EGLN3: variants seen among roughly 807,000 people sequenced by gnomAD.
The protein encoded by EGLN3 is prolyl hydroxylase EGLN3.
In EGLN3, 15 loss-of-function variants were observed where a neutral mutation model predicts 26.0. That is an observed-to-expected ratio of 0.58 (90% CI 0.39 to 0.89). The LOEUF is 0.89. Ranked by LOEUF, EGLN3 falls within the 40% of genes least tolerant of loss-of-function variation. The probability of loss-of-function intolerance (pLI) is 0.00; values close to 1 mark genes in which losing one functional copy is unlikely to be tolerated. For missense variants in EGLN3, 238 were observed against 311.6 expected, an observed-to-expected ratio of 0.76 and a Z score of 1.78; for synonymous variants, 147 against 127.2, an observed-to-expected ratio of 1.16 and a Z score of -1.05.
At chr14:33,932,334 T>C (rs954474322) in intron 1 of EGLN3, among the ~76,000 whole-genome samples, 11 of 152,196 alleles carry the variant, frequency 7.2e-5, no homozygotes, top group Non-Finnish European at 1.6e-4. Context: ...CAATAGCTAT[T>C]TCTGTCATTT....
At chr14:33,931,271 C>T (rs2138812900) in intron 1 of EGLN3, 56 bp from the exon 2 acceptor site, 1 of 1,611,258 alleles carries the variant, frequency 6.2e-7, no homozygotes, top group Admixed American at 1.7e-5. Context: ...CAATCTTCTC[C>T]TCCCACTGGT....
intron 1 of EGLN3, among the ~76,000 whole-genome samples, chr14:33,936,836 A>G (rs905318390): frequency 3.9e-5 from 6 of 152,196 alleles, no homozygotes; most frequent in African/African-American, 1.4e-4. Context: ...AAAAAAATCT[A>G]AAGACAAATT....
chr14:33,950,306 T>G, intron 1 of EGLN3, 90 bp downstream of exon 1: 1 of 1,260,464 alleles, frequency 7.9e-7, no homozygotes, highest in South Asian at 1.2e-5. Flanking sequence ...CAAAGTTCGC[T>G]TACGGCCCTG....
chr14:33,945,556 G>A (rs966784651), intron 1 of EGLN3, among the ~76,000 whole-genome samples: 7 of 152,232 alleles, frequency 4.6e-5, no homozygotes, highest in African/African-American at 1.7e-4. Context: ...CTTGAGCCAT[G>A]TGCATGGGAA....
chr14:33,938,454 T>C (rs2064457610), intron 1 of EGLN3, among the ~76,000 whole-genome samples: 1 of 152,182 alleles, frequency 6.6e-6, no homozygotes, highest in Admixed American at 6.5e-5. Context: ...GAGGACTGGC[T>C]CTAAGCCAGC....
Position 33,929,824 on chromosome 14 carries a change from A to C in EGLN3, c.478-612T>G, listed in dbSNP as rs6571625. Among the ~76,000 whole-genome samples the C allele has an allele frequency of 3.8e-3, 577 of 152,366 alleles. 1 individual carries two copies. Among genetic ancestry groups the C allele is most frequent in the African/African-American group, 0.013 (531 of 41,584 alleles). On this transcript the variant is annotated intron_variant, in intron 2 of 4. Transcript: ENST00000250457. ...ATTTGAGTGTTTTTGACTTAAAAAA[A>C]AATGCCCAGTGATCTCACATGGTTC... is the stretch of plus-strand genomic sequence containing the variant.
chr14:33,942,198 A>G (rs1313176809), intron 1 of EGLN3, among the ~76,000 whole-genome samples: 5 of 152,186 alleles, frequency 3.3e-5, no homozygotes, highest in Admixed American at 1.3e-4. Flanking sequence ...TTATGGTTAC[A>G]GTAAGTTACT....
chr14:33,928,927 T>C lies in EGLN3; in HGVS notation c.614+149A>G, dbSNP rs1379714098. The stretch of plus-strand genomic sequence containing the variant: ...ATGCTAAAGAACGCAAAGTTTCCCC[T>C]TTAATTTTTGTAGACTCCAAACAAG... On this transcript the variant is annotated intron_variant, in intron 3 of 4. Coordinates refer to ENST00000250457, the MANE Select transcript of EGLN3 (RefSeq NM_022073.4). The C allele has an allele frequency of 3.2e-6, 3 of 935,716 alleles. No individual in the cohort carries two copies. The East Asian group carries it at 7.7e-5, about 24-fold the overall frequency. 58.0% of individuals were successfully genotyped at this position (935,716 alleles called of 1,614,324 possible).
At chr14:33,950,211 T>C (rs935401787) in intron 1 of EGLN3, 185 bp downstream of exon 1, 4 of 636,130 alleles carry the variant, frequency 6.3e-6, no homozygotes, top group Non-Finnish European at 1.1e-5. Flanking sequence ...CCCCTTAACG[T>C]TGACTTTCGC....
intron 2 of EGLN3, 116 bp from the exon 3 acceptor site, chr14:33,929,328 T>A: frequency 7.8e-7 from 1 of 1,281,726 alleles, no homozygotes; most frequent in Non-Finnish European, 1.1e-6. Flanking sequence ...AAATGCATGG[T>A]ACCCCAGATT....
At chr14:33,948,030 CA>C (rs917415197) in intron 1 of EGLN3, among the ~76,000 whole-genome samples, 2 of 151,644 alleles carry the variant, frequency 1.3e-5, no homozygotes, top group African/African-American at 4.9e-5. Context: ...GACTCCATCT[CA>C]AAAAAATAAT....
intron 1 of EGLN3, among the ~76,000 whole-genome samples, chr14:33,939,809 T>G (rs1249247880): frequency 6.6e-6 from 1 of 152,176 alleles, no homozygotes; most frequent in African/African-American, 2.4e-5. Flanking sequence ...TAACTTGCCT[T>G]TTTGAACCCA....
Position 33,950,801 on chromosome 14 carries a change from G to C in EGLN3, c.-49C>G. ...GGATCCCCAGCGTGCAACCAGAGAG[G>C]GAACGATCTACACGAGCGCGAAGCC... is the stretch of plus-strand genomic sequence containing the variant. On this transcript the variant is annotated 5_prime_UTR_variant, in exon 1 of 5. Transcript: ENST00000250457. 1 of 1,299,842 alleles carries C rather than the reference G, an allele frequency of 7.7e-7. No individual in the cohort carries two copies. Among genetic ancestry groups the C allele is most frequent in the South Asian group, 2.6e-5 (1 of 37,986 alleles). 80.5% of individuals were successfully genotyped at this position (1,299,842 alleles called of 1,614,324 possible).
rs765571805 is a variant in EGLN3, at chr14:33,950,588, G to T, written c.165C>A (p.Ala55=). The part of the protein sequence containing the change: ...ERVKQLHCTG[A]LRDGQLAGPR... ...GCCCCGCCAGCTGGCCGTCCCGCAG[G>T]GCCCCGGTGCAGTGCAGCTGCTTGA... Residue 55 remains alanine, a synonymous_variant, in exon 1 of 5, where the codon GCC becomes GCA. Coordinates refer to ENST00000250457, the MANE Select transcript of EGLN3 (RefSeq NM_022073.4). The T allele has an allele frequency of 2.5e-6, 4 of 1,612,508 alleles. No individual in the cohort carries two copies. The highest frequency in any genetic ancestry group is 3.4e-6 in the Non-Finnish European group (4 of 1,179,254).
intron 1 of EGLN3, among the ~76,000 whole-genome samples, chr14:33,940,833 G>A (rs2064477348): frequency 6.6e-6 from 1 of 152,196 alleles, no homozygotes; most frequent in Non-Finnish European, 1.5e-5. Flanking sequence ...CATCAGCTTT[G>A]CAGTGTCATT....
rs1332232566 is a variant in EGLN3, at chr14:33,924,384, CATA to C, written c.*1504_*1506del. On this transcript the variant is annotated 3_prime_UTR_variant, in exon 5 of 5. Transcript: ENST00000250457. ...CAGAGAAAGGATACAAGACAATAAA[CATA>C]ATAAGTGAATAAATTACATAGTAAT... The C allele has an allele frequency of 6.6e-6, 1 of 152,042 alleles. No homozygotes were observed. The highest frequency in any genetic ancestry group is 2.4e-5 in the African/African-American group (1 of 41,366). The allele number at this position is 152,042 out of a possible 1,614,324, so 9.4% of individuals were successfully genotyped here.
Position 33,925,669 on chromosome 14 carries a change from G to A in EGLN3, c.*222C>T. 3.5e-6 allele frequency: 2 copies of A among 575,604 alleles called. No individual in the cohort carries two copies. The highest frequency in any genetic ancestry group is 4.4e-5 in the South Asian group (2 of 45,606). 35.7% of individuals were successfully genotyped at this position (575,604 alleles called of 1,614,324 possible). ...GAGTAGGATGTCTGCAGGAATTTCT[G>A]GAGTTAGCAAGTAACTTCATCTGGC... On this transcript the variant is annotated 3_prime_UTR_variant, in exon 5 of 5. Transcript: ENST00000250457.
At chr14:33,946,846 A>G (rs764526100) in intron 1 of EGLN3, among the ~76,000 whole-genome samples, 135 of 152,192 alleles carry the variant, frequency 8.9e-4, no homozygotes, top group Non-Finnish European at 3.5e-4. Flanking sequence ...AAACCAAGCA[A>G]CTTGCCTAAA....
intron 1 of EGLN3, among the ~76,000 whole-genome samples, chr14:33,940,890 T>C (rs2064477817): frequency 6.6e-6 from 1 of 152,198 alleles, no homozygotes; most frequent in African/African-American, 2.4e-5. Flanking sequence ...CTAGCATTGC[T>C]GTTTTGTGCT....
Sources: allele counts gnomAD v4.1 joint callset (sites outside exome capture counted in the v4.1 genomes callset), GRCh38; gene constraint gnomAD v4.1.1; transcripts MANE v1.5; gene names NCBI Gene and HGNC (gene_info 2026-07-23, HGNC 2026-07-21).